Variants in UPB1 observed in about 807,000 individuals in gnomAD.
UPB1 encodes beta-ureidopropionase 1.
Under a neutral mutation model 49.1 loss-of-function variants are expected in UPB1, and 40 were observed. The observed-to-expected ratio is 0.81, with a 90% CI of 0.63 to 1.06. The LOEUF (loss-of-function observed/expected upper bound fraction) is 1.06, where lower values mean the gene tolerates loss of function less well. Among genes scored for constraint, UPB1 ranks in the 50% least tolerant of loss-of-function variants. The pLI, the probability that UPB1 is intolerant of heterozygous loss-of-function variation, is 0.00. For missense variants in UPB1, 499 were observed against 505.9 expected, an observed-to-expected ratio of 0.99 and a Z score of 0.13; for synonymous variants, 207 against 198.2, an observed-to-expected ratio of 1.04 and a Z score of -0.38.
intron 5 of UPB1, among the ~76,000 whole-genome samples, chr22:24,513,845 T>C (rs1487409573): frequency 6.6e-6 from 1 of 152,222 alleles, no homozygotes; most frequent in African/African-American, 2.4e-5. Context: ...CTGTGGCCCC[T>C]TTCAGGCTCA....
chr22:24,512,602 T>C (rs1197131878), intron 4 of UPB1, among the ~76,000 whole-genome samples: 1 of 152,232 alleles, frequency 6.6e-6, no homozygotes, highest in East Asian at 1.9e-4. Flanking sequence ...AGTTCAGTAG[T>C]GTAAAGTATA....
Position 24,517,559 on chromosome 22 carries a change from T to C in UPB1, c.791+2189T>C, listed in dbSNP as rs562569885. The stretch of plus-strand genomic sequence containing the variant: ...GACTCAGATGGCTCCTCGCCTTGTG[T>C]GTGCAGAGGCCCTCCCTGACCCTCC... On this transcript the variant is annotated intron_variant, in intron 6 of 9. Coordinates refer to ENST00000326010, the MANE Select transcript of UPB1 (RefSeq NM_016327.3). Among the ~76,000 whole-genome samples the C allele has an allele frequency of 2.0e-4, 31 of 152,340 alleles. No homozygotes were observed. The South Asian group carries it at 5.8e-3, about 28-fold the overall frequency.
chr22:24,525,423 G>A (rs114144044), intron 9 of UPB1, among the ~76,000 whole-genome samples: 2,194 of 152,274 alleles, frequency 0.014, 50 homozygotes, highest in African/African-American at 0.051. Context: ...CTTCTGGGGA[G>A]CAACAGGACC....
intron 3 of UPB1, among the ~76,000 whole-genome samples, chr22:24,508,290 G>A (rs2044128733): frequency 6.6e-6 from 1 of 152,232 alleles, no homozygotes; most frequent in Non-Finnish European, 1.5e-5. Flanking sequence ...CAGATGTGGT[G>A]GCTCACGCCT....
chr22:24,523,639 T>A lies in UPB1; in HGVS notation c.937T>A (p.Phe313Ile). ...TAAAGCTCACCAGGACTTTGGCTAC[T>A]TTTATGGCTCGAGCTATGTGGCAGC... ...GKKAHQDFGY[F>I]YGSSYVAAPD... The change falls in exon 9 of 10, where the codon TTT becomes ATT. Residue 313 changes from phenylalanine (F) to isoleucine (I), a missense_variant. Transcript: ENST00000326010. The A allele has an allele frequency of 1.9e-6, 3 of 1,614,270 alleles. No individual in the cohort carries two copies. Among genetic ancestry groups the A allele is most frequent in the Non-Finnish European group, 2.5e-6 (3 of 1,180,044 alleles).
chr22:24,497,526 G>A (rs1014511341), intron 1 of UPB1, among the ~76,000 whole-genome samples: 1 of 152,204 alleles, frequency 6.6e-6, no homozygotes, highest in African/African-American at 2.4e-5. Flanking sequence ...GGTGGGAGAG[G>A]TGGGGGCCCT....
intron 6 of UPB1, chr22:24,516,771 C>G (rs1325194090): frequency 6.6e-6 from 1 of 152,166 alleles, no homozygotes; most frequent in Non-Finnish European, 1.5e-5. Flanking sequence ...GTCACCCAGG[C>G]TGGAGCGCAG....
intron 6 of UPB1, among the ~76,000 whole-genome samples, chr22:24,517,055 GGT>G (rs1448925002): frequency 6.6e-6 from 1 of 152,030 alleles, no homozygotes; most frequent in Non-Finnish European, 1.5e-5. Flanking sequence ...TAAACGTCAG[GGT>G]GTGACATTTA....
intron 1 of UPB1, 126 bp downstream of exon 1, chr22:24,495,633 G>T: frequency 9.8e-7 from 1 of 1,018,364 alleles, no homozygotes; most frequent in Non-Finnish European, 1.5e-6. Flanking sequence ...CTGAGTTGGC[G>T]GGCAGAGACC....
rs1042053151 is a variant in UPB1, at chr22:24,526,742, C to T, written c.*948C>T. The T allele has an allele frequency of 1.3e-5, 2 of 152,142 alleles. No individual in the cohort carries two copies. The highest frequency in any genetic ancestry group is 4.8e-5 in the African/African-American group (2 of 41,422). The allele number at this position is 152,142 out of a possible 1,614,324, so 9.4% of individuals were successfully genotyped here. On this transcript the variant is annotated 3_prime_UTR_variant, in exon 10 of 10. Coordinates refer to ENST00000326010, the MANE Select transcript of UPB1 (RefSeq NM_016327.3). ...ATTGAACTTAAAGGCATCAATGACT[C>T]TATTTCCATAGAGTCAGGGTAAAGA... is the stretch of plus-strand genomic sequence containing the variant.
rs763311014 is a variant in UPB1 at position 24,525,768 on chromosome 22, T to C, written c.1129T>C (p.Tyr377His). The C allele has an allele frequency of 1.2e-6, 2 of 1,614,200 alleles. No individual in the cohort carries two copies. The highest frequency in any genetic ancestry group is 1.7e-5 in the Admixed American group (1 of 60,014). Residue 377 changes from tyrosine (Y) to histidine (H), a missense_variant, in exon 10 of 10, where the codon TAC (tyrosine) becomes CAC (histidine). Transcript: ENST00000326010. ...GCTCGCCGAAGCTGTCAAGTCCAAC[T>C]ACAGCCCCACCATCGTGAAAGAGTA... ...RELAEAVKSN[Y>H]SPTIVKE
Position 24,495,335 on chromosome 22 carries a change from C to A in UPB1, c.-69C>A. The A allele has an allele frequency of 1.3e-6, 2 of 1,549,142 alleles. No individual in the cohort carries two copies. The highest frequency in any genetic ancestry group is 1.8e-6 in the Non-Finnish European group (2 of 1,129,264). On this transcript the variant is annotated 5_prime_UTR_variant, in exon 1 of 10. Transcript: ENST00000326010. ...GCAAGGGCGCCTGACCGGGCCTGGG[C>A]ACCTCCTCCCACTGCGGGCAAAGGG...
rs143143590 is a variant in UPB1 at position 24,513,610 on chromosome 22, C to T, written c.621+125C>T. On this transcript the variant is annotated intron_variant, in intron 5 of 9. Coordinates refer to ENST00000326010, the MANE Select transcript of UPB1 (RefSeq NM_016327.3). The stretch of plus-strand genomic sequence containing the variant: ...CATACTCCATGTCACGTACACTCCA[C>T]GGGAGCACAGTGTGGCTGCAGTGCT... 1.2e-4 allele frequency: 163 copies of T among 1,342,382 alleles called. 2 individuals carry two copies. In the East Asian group the frequency reaches 2.0e-3, roughly 16 times the overall value. 83.2% of individuals were successfully genotyped at this position (1,342,382 alleles called of 1,614,324 possible). A position where few individuals can be genotyped will look rare whatever the true frequency, so the allele number is the denominator to read the frequency against.
At chr22:24,507,542 A>G (rs1016398409) in intron 3 of UPB1, among the ~76,000 whole-genome samples, 5 of 152,234 alleles carry the variant, frequency 3.3e-5, no homozygotes, top group African/African-American at 9.6e-5. Flanking sequence ...GATAGGAGTT[A>G]TAAAGAAATA....
In UPB1 at chr22:24,526,895, T is replaced by C. The variant is rs2044486613; in HGVS notation, c.*1101T>C. ...ATGGCTTGTCCTGTGGATATCAGAC[T>C]TGCCTGACCAGATTCCATCATCATA... is the stretch of plus-strand genomic sequence containing the variant. On this transcript the variant is annotated 3_prime_UTR_variant, in exon 10 of 10. Transcript: ENST00000326010. The C allele has an allele frequency of 6.6e-6, 1 of 152,230 alleles. No homozygotes were observed. Among genetic ancestry groups the C allele is most frequent in the Non-Finnish European group, 1.5e-5 (1 of 68,040 alleles). 9.4% of individuals were successfully genotyped at this position (152,230 alleles called of 1,614,324 possible).
chr22:24,500,531 G>A (rs1003244667), intron 2 of UPB1, among the ~76,000 whole-genome samples: 5 of 152,226 alleles, frequency 3.3e-5, no homozygotes, highest in African/African-American at 1.2e-4. Flanking sequence ...CTATTGATCT[G>A]AAGCTCCATT....
At chr22:24,509,797 C>T (rs2044163855) in intron 3 of UPB1, among the ~76,000 whole-genome samples, 1 of 152,194 alleles carries the variant, frequency 6.6e-6, no homozygotes, top group South Asian at 2.1e-4. Flanking sequence ...TAAATACATT[C>T]ATGTTGTGCA....
intron 3 of UPB1, 85 bp from the exon 4 acceptor site, chr22:24,510,664 C>A: frequency 7.1e-7 from 1 of 1,399,566 alleles, no homozygotes; most frequent in Non-Finnish European, 1.0e-6. Flanking sequence ...TATTCTTTTG[C>A]AGTGACTTCC....
In UPB1 at chr22:24,525,766, A is replaced by G. The variant is rs1473780813; in HGVS notation, c.1127A>G (p.Asn376Ser). Residue 376 changes from asparagine to serine, a missense_variant, in exon 10 of 10, where the codon AAC becomes AGC. Coordinates refer to ENST00000326010, the MANE Select transcript of UPB1 (RefSeq NM_016327.3). ...ARELAEAVKS[N>S]YSPTIVKE ...GAGCTCGCCGAAGCTGTCAAGTCCA[A>G]CTACAGCCCCACCATCGTGAAAGAG... The G allele has an allele frequency of 1.9e-6, 3 of 1,614,178 alleles. 1 individual carries two copies. Among genetic ancestry groups the G allele is most frequent in the South Asian group, 2.2e-5 (2 of 91,084 alleles).
Sources: allele counts gnomAD v4.1 joint callset (sites outside exome capture counted in the v4.1 genomes callset), GRCh38; gene constraint gnomAD v4.1.1; transcripts MANE v1.5; gene names NCBI Gene and HGNC (gene_info 2026-07-23, HGNC 2026-07-21).